Variants in GSE1 observed in about 807,000 individuals in gnomAD.
The protein encoded by GSE1 is Gse1 coiled-coil protein.
Under a neutral mutation model 112.6 loss-of-function variants are expected in GSE1, and 32 were observed. The ratio of observed to expected loss-of-function variants is 0.28; its 90% CI spans 0.21 to 0.38. The LOEUF is 0.38. GSE1 is among the 10% of genes least tolerant of loss of function. The pLI, the probability that GSE1 is intolerant of heterozygous loss-of-function variation, is 1.00. For missense variants in GSE1, 2,348 were observed against 1,699.2 expected (o/e 1.38, Z -6.71); for synonymous variants, 1,115 against 735.6 (o/e 1.52, Z -8.35).
Position 85,634,399 on chromosome 16 carries a change from G to A in GSE1, c.226+267G>A, listed in dbSNP as rs567516639. On this transcript the variant is annotated intron_variant, in intron 2 of 15. Transcript: ENST00000253458. ...CACTGCAGGGGTGTCCGGATGTAGC[G>A]AGGTGCTCCTACCAGCTCTGTGACT... 5.3e-5 allele frequency among the ~76,000 whole-genome samples: 8 copies of A among 152,284 alleles called. No individual in the cohort carries two copies. The South Asian group carries it at 1.0e-3, about 20-fold the overall frequency.
intron 2 of GSE1, among the ~76,000 whole-genome samples, chr16:85,530,598 C>T (rs2044105594): frequency 6.6e-6 from 1 of 152,148 alleles, no homozygotes; most frequent in South Asian, 2.1e-4. Context: ...TGCCTGCGAC[C>T]CACTCCATGA....
chr16:85,281,507 C>G (rs895868124), intron 1 of GSE1, among the ~76,000 whole-genome samples: 2 of 152,198 alleles, frequency 1.3e-5, no homozygotes, highest in Non-Finnish European at 2.9e-5. Context: ...GAGAAGTTAC[C>G]TTGCATCGGA....
chr16:85,505,014 C>T (rs1314278860), intron 2 of GSE1, among the ~76,000 whole-genome samples: 2 of 99,156 alleles, frequency 2.0e-5, no homozygotes, highest in African/African-American at 4.6e-5. Context: ...TGTGCACACA[C>T]ATGTGCACGC....
chr16:85,454,557 C>T (rs907128983), intron 2 of GSE1, among the ~76,000 whole-genome samples: 2 of 152,244 alleles, frequency 1.3e-5, no homozygotes, highest in Non-Finnish European at 2.9e-5. Context: ...TAATGAATCA[C>T]CCTAAACCAG....
intron 2 of GSE1, among the ~76,000 whole-genome samples, chr16:85,372,798 G>A (rs2047330837): frequency 6.6e-6 from 1 of 152,108 alleles, no homozygotes; most frequent in African/African-American, 2.4e-5. Context: ...ACCACCCTCG[G>A]TGGGCACCAG....
chr16:85,647,258 C>A (rs2050951507), intron 2 of GSE1, among the ~76,000 whole-genome samples: 1 of 152,276 alleles, frequency 6.6e-6, no homozygotes, highest in Admixed American at 6.5e-5. Context: ...CTGCCCTGCA[C>A]CCTCCCCCTG....
intron 1 of GSE1, among the ~76,000 whole-genome samples, chr16:85,346,967 G>T (rs1206701190): frequency 2.0e-5 from 3 of 152,128 alleles, no homozygotes; most frequent in African/African-American, 4.8e-5. Context: ...AGATATGAGG[G>T]TGTGACAGAA....
rs1455348706 is a variant in GSE1, at chr16:85,668,433, G to A, written c.3415+9G>A. 3 of 1,574,342 alleles carry A rather than the reference G, an allele frequency of 1.9e-6. No individual in the cohort carries two copies. The highest frequency in any genetic ancestry group is 3.4e-5 in the Admixed American group (2 of 59,292). On this transcript the variant is annotated intron_variant, in intron 14 of 15. Coordinates refer to ENST00000253458, the MANE Select transcript of GSE1 (RefSeq NM_014615.5). Reference sequence around the variant, plus strand: ...CCAGGAACACATAGAAGGTAAGGGGGTGCTGGGGAAGAGGGGGGAGGGGGT... The same window carrying A: ...CCAGGAACACATAGAAGGTAAGGGGATGCTGGGGAAGAGGGGGGAGGGGGT...
intron 2 of GSE1, among the ~76,000 whole-genome samples, chr16:85,502,790 C>T (rs1346823155): frequency 1.3e-5 from 2 of 152,196 alleles, no homozygotes; most frequent in Non-Finnish European, 2.9e-5. Context: ...TCTGGCTTGT[C>T]CAGGGATCCT....
intron 1 of GSE1, among the ~76,000 whole-genome samples, chr16:85,279,867 A>G (rs2044804040): frequency 6.6e-6 from 1 of 152,168 alleles, no homozygotes; most frequent in African/African-American, 2.4e-5. Context: ...TCCCGGTGGA[A>G]GGAACGCCAT....
At chr16:85,605,971 G>A (rs1215347840) in intron 1 of GSE1, among the ~76,000 whole-genome samples, 3 of 152,138 alleles carry the variant, frequency 2.0e-5, no homozygotes, top group African/African-American at 7.2e-5. Context: ...CCAGTGAACT[G>A]GACCTGTTTC....
At chr16:85,196,163 C>G (rs553581585) in intron 1 of GSE1, among the ~76,000 whole-genome samples, 1 of 152,152 alleles carries the variant, frequency 6.6e-6, no homozygotes, top group Non-Finnish European at 1.5e-5. Flanking sequence ...GTTTCCAGAA[C>G]TTTTGGACTT....
chr16:85,329,419 C>T (rs899984074), intron 1 of GSE1, among the ~76,000 whole-genome samples: 3 of 152,070 alleles, frequency 2.0e-5, no homozygotes, highest in African/African-American at 7.2e-5. Context: ...GGAACAGCCC[C>T]AGCCCCAGGG....
intron 1 of GSE1, among the ~76,000 whole-genome samples, chr16:85,257,263 C>T (rs949666561): frequency 6.6e-6 from 1 of 152,306 alleles, no homozygotes; most frequent in Admixed American, 6.5e-5. Flanking sequence ...AGCCCTGCCA[C>T]CACGCCTGGC....
chr16:85,182,055 G>C (rs1391073808), intron 1 of GSE1, among the ~76,000 whole-genome samples: 1 of 152,176 alleles, frequency 6.6e-6, no homozygotes, highest in African/African-American at 2.4e-5. Context: ...ATGTGGCTTC[G>C]TGCTCTGCTT....
chr16:85,485,347 C>G (rs1435015077), intron 2 of GSE1, among the ~76,000 whole-genome samples: 1 of 152,224 alleles, frequency 6.6e-6, no homozygotes, highest in African/African-American at 2.4e-5. Flanking sequence ...GGCCAGGTCC[C>G]GTGCAGCCGT....
intron 2 of GSE1, among the ~76,000 whole-genome samples, chr16:85,635,576 G>A (rs1178181350): frequency 2.6e-5 from 4 of 152,200 alleles, no homozygotes; most frequent in Non-Finnish European, 4.4e-5. Context: ...GTCGAGACTC[G>A]GGCTCTCCTG....
At chr16:85,397,845 C>G (rs974465482) in intron 2 of GSE1, among the ~76,000 whole-genome samples, 13 of 152,168 alleles carry the variant, frequency 8.5e-5, no homozygotes, top group Non-Finnish European at 1.8e-4. Flanking sequence ...TGGGATCCTC[C>G]TCCTCCAGCC....
At chr16:85,365,085 G>C (rs2047159354) in intron 2 of GSE1, among the ~76,000 whole-genome samples, 1 of 152,218 alleles carries the variant, frequency 6.6e-6, no homozygotes, top group African/African-American at 2.4e-5. Context: ...TGCAGCCAGT[G>C]ACTGGCAGCT....
Sources: gnomAD v4.1 joint callset for allele counts (sites outside exome capture counted in the v4.1 genomes callset) on GRCh38, gnomAD v4.1.1 for gene constraint, MANE v1.5 for transcripts, NCBI Gene and HGNC (gene_info 2026-07-23, HGNC 2026-07-21) for gene names.